The following NOL4 variants were observed in gnomAD, a reference collection of about 807,000 sequenced individuals.
NOL4 encodes the protein cancer/testis antigen 125.
In NOL4, 17 loss-of-function variants were observed where a neutral mutation model predicts 75.9. The ratio of observed to expected loss-of-function variants is 0.22; its 90% CI spans 0.15 to 0.34. The LOEUF (loss-of-function observed/expected upper bound fraction) is 0.34. NOL4 is among the 10% of genes least tolerant of loss of function. NOL4 has a pLI of 1.00. For synonymous variants in NOL4, 292 were observed against 289.9 expected, an observed-to-expected ratio of 1.01 and a Z score of -0.07; for missense variants, 614 against 793.5, an observed-to-expected ratio of 0.77 and a Z score of 2.72.
chr18:33,934,014 C>T (rs900435593), intron 9 of NOL4, among the ~76,000 whole-genome samples: 8 of 152,112 alleles, frequency 5.3e-5, no homozygotes, highest in African/African-American at 1.9e-4. Context: ...AGTATGATTA[C>T]TCCTTCATCC....
chr18:33,983,960 T>G (rs1445175246), intron 6 of NOL4, among the ~76,000 whole-genome samples: 2 of 152,108 alleles, frequency 1.3e-5, no homozygotes, highest in Non-Finnish European at 2.9e-5. Context: ...AGTAATGTAT[T>G]AAAGATGATG....
chr18:34,216,989 G>C (rs1455305111), intron 1 of NOL4, among the ~76,000 whole-genome samples: 1 of 151,934 alleles, frequency 6.6e-6, no homozygotes, highest in Admixed American at 6.6e-5. Flanking sequence ...ATTTCTGCCT[G>C]TCCATATGCA....
chr18:33,852,982 T>G lies in NOL4; in HGVS notation c.1777A>C (p.Ser593Arg), dbSNP rs1232558209. ...RQLATSSGSSSSSNSRPQLSP... is the reference protein window; with the variant it reads ...RQLATSSGSSRSSNSRPQLSP... ...AGCTGGGGTCTGGAGTTTGAGCTGCTGGAGGATCCTGAGCTAGTCGCCAAT... is the reference window on the plus strand; with the variant it reads ...AGCTGGGGTCTGGAGTTTGAGCTGCGGGAGGATCCTGAGCTAGTCGCCAAT... Residue 593 changes from serine (S) to arginine (R), a missense_variant, in exon 11 of 11, where the codon AGC becomes CGC. This residue lies in a region of NOL4 where 128 missense variants were observed against 159.9 expected (regional missense o/e 0.80). Coordinates refer to ENST00000261592, the MANE Select transcript of NOL4 (RefSeq NM_003787.5). The G allele has an allele frequency of 1.2e-6, 2 of 1,613,142 alleles. No homozygotes were observed. The highest frequency in any genetic ancestry group is 1.7e-5 in the Admixed American group (1 of 59,892).
At chr18:34,120,962 G>A (rs1316358863) in intron 2 of NOL4, among the ~76,000 whole-genome samples, 1 of 152,144 alleles carries the variant, frequency 6.6e-6, no homozygotes, top group Non-Finnish European at 1.5e-5. Flanking sequence ...TCAAAGCACT[G>A]AGATCACAGG....
chr18:33,908,658 T>C (rs994133253), intron 9 of NOL4, among the ~76,000 whole-genome samples: 2 of 152,162 alleles, frequency 1.3e-5, no homozygotes, highest in African/African-American at 4.8e-5. Context: ...AATTATGAAA[T>C]AGTCAAACTA....
At chr18:33,967,490 G>C (rs2070697780) in intron 6 of NOL4, among the ~76,000 whole-genome samples, 1 of 152,150 alleles carries the variant, frequency 6.6e-6, no homozygotes, top group Admixed American at 6.5e-5. Context: ...AAACTAAAGA[G>C]CTTCTGCACG....
chr18:34,196,657 T>G (rs191743565), intron 1 of NOL4, among the ~76,000 whole-genome samples: 368 of 152,174 alleles, frequency 2.4e-3, no homozygotes, highest in Non-Finnish European at 4.2e-3. Flanking sequence ...TTCCATGCAA[T>G]GGAAAGATTA....
chr18:34,214,304 T>TATAAATATTTATAAACTATATTA (rs879268420), intron 1 of NOL4, among the ~76,000 whole-genome samples: 9,351 of 151,920 alleles, frequency 0.062, 480 homozygotes, highest in African/African-American at 0.12. Context: ...ATTTGTACTT[T>TATAAATATTTATAAACTATATTA]TAAATATAGT....
At position 34,041,897 on chromosome 18, in the gene NOL4, G is replaced by C. The variant is rs116414077; in HGVS notation, c.773-22296C>G. On this transcript the variant is annotated intron_variant, in intron 5 of 10. Transcript: ENST00000261592. ...AGGGCTACAGTTTATAATTGCTATA[G>C]ATAGATTTTACTAAAAGGTATGGGA... Among the ~76,000 whole-genome samples, 130 of 151,960 alleles carry C rather than the reference G, an allele frequency of 8.6e-4. 1 individual carries two copies. Among genetic ancestry groups the C allele is most frequent in the African/African-American group, 2.7e-3 (114 of 41,498 alleles).
intron 6 of NOL4, among the ~76,000 whole-genome samples, chr18:33,986,634 G>A (rs748079947): frequency 7.2e-5 from 11 of 152,174 alleles, no homozygotes; most frequent in Non-Finnish European, 1.3e-4. Flanking sequence ...ACCAAAGATC[G>A]GGGGACTACT....
intron 2 of NOL4, among the ~76,000 whole-genome samples, chr18:34,119,905 A>C (rs2080056599): frequency 6.6e-6 from 1 of 152,166 alleles, no homozygotes; most frequent in Admixed American, 6.5e-5. Context: ...TACAGGCTTA[A>C]GCCACCGCGC....
chr18:33,933,680 G>A (rs1211275878), intron 9 of NOL4, among the ~76,000 whole-genome samples: 10 of 152,084 alleles, frequency 6.6e-5, no homozygotes, highest in Admixed American at 2.0e-4. Context: ...AAGATTTATC[G>A]TGAGATTGCA....
At chr18:33,917,603 T>G (rs2066800117) in intron 9 of NOL4, among the ~76,000 whole-genome samples, 3 of 151,996 alleles carry the variant, frequency 2.0e-5, no homozygotes, top group Admixed American at 6.6e-5. Flanking sequence ...TTACTAATCC[T>G]CCCTCCTCAG....
intron 6 of NOL4, among the ~76,000 whole-genome samples, chr18:34,000,816 C>G (rs1310634689): frequency 1.3e-5 from 2 of 152,038 alleles, no homozygotes; most frequent in Non-Finnish European, 2.9e-5. Context: ...TCTCTGCAGA[C>G]AACATAAAAT....
intron 6 of NOL4, among the ~76,000 whole-genome samples, chr18:33,999,306 C>A (rs964354198): frequency 2.0e-5 from 3 of 151,752 alleles, no homozygotes; most frequent in Non-Finnish European, 4.4e-5. Flanking sequence ...TTCCATCACA[C>A]CTGGCTAGAT....
intron 6 of NOL4, among the ~76,000 whole-genome samples, chr18:33,992,426 C>T (rs2072987795): frequency 6.6e-6 from 1 of 151,918 alleles, no homozygotes; most frequent in Non-Finnish European, 1.5e-5. Context: ...AATTATAAAA[C>T]ATACAACGAA....
intron 9 of NOL4, among the ~76,000 whole-genome samples, chr18:33,907,105 T>C (rs558825637): frequency 6.6e-6 from 1 of 152,056 alleles, no homozygotes; most frequent in South Asian, 2.1e-4. Flanking sequence ...AGGTGGATCA[T>C]GAGGTCAGGA....
At chr18:34,131,911 G>A (rs1249884472) in intron 1 of NOL4, among the ~76,000 whole-genome samples, 1 of 152,054 alleles carries the variant, frequency 6.6e-6, no homozygotes, top group Non-Finnish European at 1.5e-5. Flanking sequence ...TGGTTGCTAG[G>A]GTAGTATATT....
At chr18:34,174,171 G>A (rs142002266) in intron 1 of NOL4, among the ~76,000 whole-genome samples, 287 of 152,122 alleles carry the variant, frequency 1.9e-3, no homozygotes, top group African/African-American at 6.4e-3. Context: ...CTCCTTTAGG[G>A]GACCCGAAAC....
Sources: gnomAD v4.1 joint callset for allele counts (sites outside exome capture counted in the v4.1 genomes callset) on GRCh38, gnomAD v4.1.1 for gene constraint, gnomAD v4.1.1 regional missense constraint, MANE v1.5 for transcripts, NCBI Gene and HGNC (gene_info 2026-07-23, HGNC 2026-07-21) for gene names.